XIRP2: variants seen among roughly 807,000 people sequenced by gnomAD.
XIRP2 encodes xin actin-binding repeat-containing protein 2.
In XIRP2, 236 loss-of-function variants were observed where a neutral mutation model predicts 277.0. That is an observed-to-expected ratio of 0.85 (90% CI 0.77 to 0.95). The LOEUF (loss-of-function observed/expected upper bound fraction) is 0.95, where lower values mean the gene tolerates loss of function less well. XIRP2 is among the 40% of genes least tolerant of loss of function. The probability of loss-of-function intolerance (pLI) is 0.00; values close to 1 mark genes in which losing one functional copy is unlikely to be tolerated. For missense variants in XIRP2, 4,640 were observed against 4,157.5 expected (o/e 1.12, Z -3.19); for synonymous variants, 1,490 against 1,416.5 (o/e 1.05, Z -1.17).
intron 1 of XIRP2, among the ~76,000 whole-genome samples, chr2:166,895,451 A>G (rs1377171243): frequency 6.6e-6 from 1 of 152,146 alleles, no homozygotes; most frequent in Admixed American, 6.6e-5. Context: ...CAGGTGGATA[A>G]ATAAGGTGGT....
chr2:167,100,522 A>G (rs1690458410), intron 2 of XIRP2, among the ~76,000 whole-genome samples: 1 of 152,204 alleles, frequency 6.6e-6, no homozygotes, highest in Admixed American at 6.5e-5. Flanking sequence ...CTAAAAGCTA[A>G]CTAGTATTTC....
intron 2 of XIRP2, among the ~76,000 whole-genome samples, chr2:167,054,397 A>G (rs575936641): frequency 6.9e-6 from 1 of 145,938 alleles, no homozygotes; most frequent in East Asian, 1.9e-4. Flanking sequence ...TCAAAAGGAA[A>G]GAGAGGCTGG....
At chr2:167,080,279 A>C (rs1441024369) in intron 2 of XIRP2, among the ~76,000 whole-genome samples, 1 of 152,230 alleles carries the variant, frequency 6.6e-6, no homozygotes, top group Non-Finnish European at 1.5e-5. Context: ...CTAAGAATTG[A>C]CCAGATAATG....
chr2:167,108,344 G>A (rs778541646), intron 2 of XIRP2, among the ~76,000 whole-genome samples: 1 of 151,598 alleles, frequency 6.6e-6, no homozygotes, highest in African/African-American at 2.4e-5. Context: ...GTCTTGTCCT[G>A]TCTTTATTAT....
At chr2:167,205,445 C>T (rs1573957529) in intron 3 of XIRP2, among the ~76,000 whole-genome samples, 3 of 152,106 alleles carry the variant, frequency 2.0e-5, no homozygotes, top group South Asian at 4.1e-4. Context: ...TAAAGTCACC[C>T]GCAGCTATTA....
At chr2:167,257,529 G>A (rs1207474017) in intron 10 of XIRP2, among the ~76,000 whole-genome samples, 2 of 151,882 alleles carry the variant, frequency 1.3e-5, no homozygotes, top group Admixed American at 1.3e-4. Context: ...AGGATTTATT[G>A]GAAATTACAA....
At chr2:166,906,420 T>C (rs1296178898) in intron 2 of XIRP2, among the ~76,000 whole-genome samples, 1 of 152,086 alleles carries the variant, frequency 6.6e-6, no homozygotes, top group African/African-American at 2.4e-5. Flanking sequence ...TATATAACTA[T>C]ACATTTTAAT....
chr2:167,151,851 A>G (rs1226831757), intron 3 of XIRP2, among the ~76,000 whole-genome samples: 1 of 152,116 alleles, frequency 6.6e-6, no homozygotes, highest in African/African-American at 2.4e-5. Flanking sequence ...GGACAAAGGA[A>G]CCATTTCACT....
rs759194083 is a variant in XIRP2, at chr2:167,249,942, A to G, written c.8550A>G (p.Pro2850=). The G allele has an allele frequency of 1.9e-6, 3 of 1,613,610 alleles. No individual in the cohort carries two copies. The highest frequency in any genetic ancestry group is 2.5e-6 in the Non-Finnish European group (3 of 1,179,710). ...KHEHLKNKSA[P]KVVKQKVIDA... is the part of the protein sequence containing the mutation. ...AACATCTGAAGAATAAATCAGCACC[A>G]AAGGTCGTCAAGCAAAAGGTTATCG... Residue 2850 remains proline, a synonymous_variant, in exon 9 of 11, where the codon CCA becomes CCG. Coordinates refer to ENST00000409195, the MANE Select transcript of XIRP2 (RefSeq NM_152381.6).
chr2:167,096,275 G>A (rs913327870), intron 2 of XIRP2, among the ~76,000 whole-genome samples: 11 of 151,816 alleles, frequency 7.2e-5, no homozygotes, highest in African/African-American at 2.7e-4. Context: ...GTTTAATCTT[G>A]GGAAGGTGTA....
chr2:167,133,355 C>T (rs1691442079), intron 2 of XIRP2, among the ~76,000 whole-genome samples: 1 of 152,156 alleles, frequency 6.6e-6, no homozygotes. Flanking sequence ...TTACCCCTTG[C>T]CAGGCCCTGA....
rs773690604 is a variant in XIRP2, at chr2:167,251,452, G to A, written c.10060G>A (p.Val3354Ile). The change falls in exon 9 of 11, where the codon GTT becomes ATT. Residue 3354 changes from valine (V) to isoleucine (I), a missense_variant. Val to Ile is a conservative substitution (Grantham distance 29). Transcript: ENST00000409195. The part of the protein sequence containing the change: ...PVSEAKSNRR[V>I]YAKGETNHNI... ...TTCTGAAGCAAAGTCAAATAGAAGA[G>A]TTTATGCAAAGGGAGAAACAAACCA... is the stretch of plus-strand genomic sequence containing the variant. The A allele has an allele frequency of 6.2e-7, 1 of 1,613,618 alleles. No homozygotes were observed. Among genetic ancestry groups the A allele is most frequent in the Non-Finnish European group, 8.5e-7 (1 of 1,179,688 alleles).
chr2:166,899,743 T>G (rs1164781308), intron 1 of XIRP2, among the ~76,000 whole-genome samples: 1 of 152,156 alleles, frequency 6.6e-6, no homozygotes, highest in Non-Finnish European at 1.5e-5. Context: ...TCATTCACAT[T>G]GTTCTTTCTG....
Position 166,897,870 on chromosome 2 carries a change from A to G in XIRP2, c.-18-5595A>G, listed in dbSNP as rs937740547. 2.0e-5 allele frequency among the ~76,000 whole-genome samples: 3 copies of G among 152,230 alleles called. No homozygotes were observed. The South Asian group carries it at 6.2e-4, about 32-fold the overall frequency. On this transcript the variant is annotated intron_variant, in intron 1 of 10. Transcript: ENST00000409195. ...CACCTCTCTAGGCAATAGACTTTCA[A>G]AGCACATGGGCTATGCAGGGGCTTG...
chr2:167,207,882 A>T (rs1170468577), intron 3 of XIRP2, among the ~76,000 whole-genome samples: 3 of 152,138 alleles, frequency 2.0e-5, no homozygotes, highest in Non-Finnish European at 4.4e-5. Context: ...TGTATTTTTT[A>T]GTGTTTTATT....
chr2:167,114,812 A>G (rs551070517), intron 2 of XIRP2, among the ~76,000 whole-genome samples: 43 of 152,170 alleles, frequency 2.8e-4, no homozygotes, highest in Non-Finnish European at 5.6e-4. Context: ...TCCATGGTGT[A>G]TATGTGCCAC....
At position 167,258,507 on chromosome 2, in the gene XIRP2, G is replaced by A. The variant is rs1034578706; in HGVS notation, c.*690G>A. On this transcript the variant is annotated 3_prime_UTR_variant, in exon 11 of 11. Coordinates refer to ENST00000409195, the MANE Select transcript of XIRP2 (RefSeq NM_152381.6). ...GAAGACACAAAGAGTAACAGGAAAA[G>A]TGCTATGGATCTTAATGACAACAAT... The A allele has an allele frequency of 6.2e-7, 1 of 1,613,038 alleles. No individual in the cohort carries two copies. The highest frequency in any genetic ancestry group is 1.3e-5 in the African/African-American group (1 of 74,814).
intron 2 of XIRP2, among the ~76,000 whole-genome samples, chr2:166,988,952 T>G (rs1368593233): frequency 8.7e-6 from 1 of 114,456 alleles, no homozygotes; most frequent in Non-Finnish European, 1.7e-5. Context: ...TCGAACTGGG[T>G]GGAGCCCACC....
At chr2:166,937,689 C>A (rs1685560457) in intron 2 of XIRP2, among the ~76,000 whole-genome samples, 1 of 152,102 alleles carries the variant, frequency 6.6e-6, no homozygotes, top group East Asian at 1.9e-4. Context: ...CCTCCTTGTA[C>A]CTCTGGTAGA....
Sources: allele counts gnomAD v4.1 joint callset (sites outside exome capture counted in the v4.1 genomes callset), GRCh38; gene constraint gnomAD v4.1.1; transcripts MANE v1.5; gene names NCBI Gene and HGNC (gene_info 2026-07-23, HGNC 2026-07-21).